NALF1: variants seen among roughly 807,000 people sequenced by gnomAD.
NALF1 encodes family with sequence similarity 155 member A.
In NALF1, 3 loss-of-function variants were observed where a neutral mutation model predicts 48.4. That is an observed-to-expected ratio of 0.06 (90% confidence interval 0.03 to 0.16). NALF1 has a LOEUF of 0.16. Ranked by LOEUF, NALF1 falls within the 10% of genes least tolerant of loss-of-function variation. NALF1 has a pLI of 1.00. For missense variants in NALF1, 526 were observed against 571.5 expected (o/e 0.92, Z 0.81); for synonymous variants, 262 against 245.7 (o/e 1.07, Z -0.62).
At chr13:107,603,449 T>C (rs1296017971) in intron 1 of NALF1, among the ~76,000 whole-genome samples, 3 of 152,222 alleles carry the variant, frequency 2.0e-5, no homozygotes, top group Admixed American at 6.5e-5. Context: ...TTATTGTTTT[T>C]AGAGATAAAA....
At chr13:107,748,359 C>G (rs1876840869) in intron 1 of NALF1, among the ~76,000 whole-genome samples, 1 of 152,084 alleles carries the variant, frequency 6.6e-6, no homozygotes. Flanking sequence ...CTTTGCAGTT[C>G]CACGTAAATT....
intron 1 of NALF1, among the ~76,000 whole-genome samples, chr13:107,818,859 G>C (rs9587441): frequency 2.5e-4 from 22 of 88,510 alleles, no homozygotes; most frequent in African/African-American, 9.7e-4. Context: ...GCGACAGAGC[G>C]AGACTCCGTC....
At chr13:107,284,781 A>G (rs1881459672) in intron 1 of NALF1, among the ~76,000 whole-genome samples, 1 of 152,162 alleles carries the variant, frequency 6.6e-6, no homozygotes, top group African/African-American at 2.4e-5. Context: ...ACAGAGCATG[A>G]CGGCAGCTGC....
chr13:107,464,360 T>C (rs1884966194), intron 1 of NALF1, among the ~76,000 whole-genome samples: 1 of 152,060 alleles, frequency 6.6e-6, no homozygotes, highest in Non-Finnish European at 1.5e-5. Context: ...ATGGTATGGA[T>C]TTTAGAAGGG....
intron 1 of NALF1, among the ~76,000 whole-genome samples, chr13:107,369,640 G>T (rs1243501167): frequency 6.6e-6 from 1 of 151,972 alleles, no homozygotes; most frequent in African/African-American, 2.4e-5. Flanking sequence ...ATAAATATGG[G>T]TCTCTGCTTG....
intron 1 of NALF1, among the ~76,000 whole-genome samples, chr13:107,406,228 T>A (rs1883897040): frequency 6.6e-6 from 1 of 152,076 alleles, no homozygotes; most frequent in Non-Finnish European, 1.5e-5. Context: ...TGGAATAAGT[T>A]CTTACTTAAC....
chr13:107,796,953 A>C (rs1355729570), intron 1 of NALF1, among the ~76,000 whole-genome samples: 1 of 152,008 alleles, frequency 6.6e-6, no homozygotes, highest in Non-Finnish European at 1.5e-5. Flanking sequence ...TCATACCTTT[A>C]TTCTCCACAA....
intron 1 of NALF1, among the ~76,000 whole-genome samples, chr13:107,391,832 C>T (rs1256914717): frequency 2.6e-5 from 4 of 152,208 alleles, no homozygotes; most frequent in East Asian, 3.9e-4. Context: ...TGATGTCTCA[C>T]GCCTCCCTAA....
chr13:107,447,772 C>T (rs1370001498), intron 1 of NALF1, among the ~76,000 whole-genome samples: 1 of 152,140 alleles, frequency 6.6e-6, no homozygotes, highest in African/African-American at 2.4e-5. Context: ...ACGCCAGACA[C>T]CCAGAATCAA....
At chr13:107,692,094 A>G (rs1401529784) in intron 1 of NALF1, among the ~76,000 whole-genome samples, 8 of 152,214 alleles carry the variant, frequency 5.3e-5, no homozygotes, top group African/African-American at 1.9e-4. Flanking sequence ...AACCATAATT[A>G]CTTACATTAA....
At chr13:107,641,974 A>G (rs910930661) in intron 1 of NALF1, among the ~76,000 whole-genome samples, 4 of 152,156 alleles carry the variant, frequency 2.6e-5, no homozygotes, top group Admixed American at 2.0e-4. Flanking sequence ...GCTTCTATAT[A>G]TAGCTTTCCA....
chr13:107,249,749 T>G (rs1003198263), intron 1 of NALF1, among the ~76,000 whole-genome samples: 4 of 152,176 alleles, frequency 2.6e-5, no homozygotes, highest in African/African-American at 9.7e-5. Context: ...TAAATCAAAA[T>G]GTCTTTTAGG....
At chr13:107,823,502 C>T (rs1879418199) in intron 1 of NALF1, among the ~76,000 whole-genome samples, 1 of 152,184 alleles carries the variant, frequency 6.6e-6, no homozygotes, top group Non-Finnish European at 1.5e-5. Context: ...CTGGATTTGC[C>T]TCTGCGTACC....
intron 1 of NALF1, among the ~76,000 whole-genome samples, chr13:107,651,020 T>C (rs2138467689): frequency 6.6e-6 from 1 of 152,154 alleles, no homozygotes; most frequent in African/African-American, 2.4e-5. Flanking sequence ...AACAAACCCC[T>C]GTGACATGTG....
chr13:107,634,421 A>G (rs1879919782), intron 1 of NALF1, among the ~76,000 whole-genome samples: 1 of 152,204 alleles, frequency 6.6e-6, no homozygotes, highest in Non-Finnish European at 1.5e-5. Flanking sequence ...TTTATTAAAA[A>G]ATAAAAGGCA....
At chr13:107,824,432 C>T (rs936442617) in intron 1 of NALF1, among the ~76,000 whole-genome samples, 1 of 152,192 alleles carries the variant, frequency 6.6e-6, no homozygotes, top group African/African-American at 2.4e-5. Flanking sequence ...TTCTTAGCTA[C>T]CTGCATTTTG....
intron 1 of NALF1, among the ~76,000 whole-genome samples, chr13:107,545,799 G>T (rs1877121389): frequency 6.6e-6 from 1 of 152,074 alleles, no homozygotes; most frequent in Admixed American, 6.6e-5. Flanking sequence ...GAAAGCCATT[G>T]GGTGGATTCT....
At chr13:107,723,483 G>C (rs780284030) in intron 1 of NALF1, among the ~76,000 whole-genome samples, 1 of 152,116 alleles carries the variant, frequency 6.6e-6, no homozygotes, top group East Asian at 1.9e-4. Context: ...TTTGCTGAAT[G>C]AATGAGAGCA....
At chr13:107,598,145 A>G (rs1426225915) in intron 1 of NALF1, among the ~76,000 whole-genome samples, 11 of 152,204 alleles carry the variant, frequency 7.2e-5, no homozygotes, top group African/African-American at 2.4e-5. Flanking sequence ...CTATGGACAC[A>G]CACAACATGC....
Sources: gnomAD v4.1 joint callset for allele counts (sites outside exome capture counted in the v4.1 genomes callset) on GRCh38, gnomAD v4.1.1 for gene constraint, MANE v1.5 for transcripts, NCBI Gene and HGNC (gene_info 2026-07-23, HGNC 2026-07-21) for gene names.